Variants in BMERB1 observed in about 807,000 individuals in gnomAD.
The protein encoded by BMERB1 is bMERB domain containing 1.
Under a neutral mutation model 23.6 loss-of-function variants are expected in BMERB1, and 12 were observed. The ratio of observed to expected loss-of-function variants is 0.51; its 90% CI spans 0.33 to 0.82. BMERB1 has a LOEUF of 0.82. Ranked by LOEUF, BMERB1 falls within the 40% of genes least tolerant of loss-of-function variation. The pLI, the probability that BMERB1 is intolerant of heterozygous loss-of-function variation, is 0.03. For synonymous variants in BMERB1, 122 were observed against 96.6 expected, an observed-to-expected ratio of 1.26 and a Z score of -1.54; for missense variants, 247 against 255.4, an observed-to-expected ratio of 0.97 and a Z score of 0.22.
chr16:15,502,508 C>G (rs1438678501), intron 1 of BMERB1: 1 of 773,150 alleles, frequency 1.3e-6, no homozygotes, highest in Non-Finnish European at 2.2e-6. Context: ...TTAAAAGCAA[C>G]GGGCGGCTTC....
chr16:15,493,362 G>A (rs191417012), intron 1 of BMERB1, among the ~76,000 whole-genome samples: 1 of 152,278 alleles, frequency 6.6e-6, no homozygotes, highest in East Asian at 1.9e-4. Context: ...AAGACACAAG[G>A]ACTGAATGTC....
intron 2 of BMERB1, among the ~76,000 whole-genome samples, chr16:15,556,080 G>A (rs1336185794): frequency 6.6e-6 from 1 of 151,930 alleles, no homozygotes; most frequent in Non-Finnish European, 1.5e-5. Flanking sequence ...TTGGGAGGCT[G>A]AGGCAGGAGA....
intron 3 of BMERB1, among the ~76,000 whole-genome samples, chr16:15,569,741 A>T (rs1003859295): frequency 6.6e-6 from 1 of 152,140 alleles, no homozygotes; most frequent in African/African-American, 2.4e-5. Flanking sequence ...ACCTAAAGAG[A>T]TATCTCAAAA....
chr16:15,461,193 A>G (rs1038520176), intron 1 of BMERB1, among the ~76,000 whole-genome samples: 5 of 151,468 alleles, frequency 3.3e-5, no homozygotes, highest in Non-Finnish European at 7.4e-5. Flanking sequence ...GGGAACAGGG[A>G]GAAGCACAAT....
intron 1 of BMERB1, among the ~76,000 whole-genome samples, chr16:15,489,981 C>G (rs1479071274): frequency 2.0e-5 from 3 of 152,124 alleles, no homozygotes; most frequent in Non-Finnish European, 2.9e-5. Context: ...ATTCTCCTGC[C>G]TCAGCCTTCC....
At position 15,568,026 on chromosome 16, in the gene BMERB1, C is replaced by A; in HGVS notation, c.274C>A (p.Gln92Lys). The part of the protein sequence containing the change: ...QLCKDIMDLK[Q>K]ELQNLVAIPE... ...CTGCAAGGACATCATGGACTTGAAG[C>A]AGGAGCTGCAGAACTTGGTCGCCAT... The change falls in exon 3 of 6, where the codon CAG becomes AAG. Residue 92 changes from glutamine (Q) to lysine (K), a missense_variant. Coordinates refer to ENST00000300006, the MANE Select transcript of BMERB1 (RefSeq NM_033201.3). 2 of 1,614,044 alleles carry A rather than the reference C, an allele frequency of 1.2e-6. No individual in the cohort carries two copies. Among genetic ancestry groups the A allele is most frequent in the Non-Finnish European group, 1.7e-6 (2 of 1,179,928 alleles).
intron 2 of BMERB1, among the ~76,000 whole-genome samples, chr16:15,521,728 A>G (rs2051856018): frequency 1.3e-5 from 2 of 152,196 alleles, no homozygotes; most frequent in African/African-American, 4.8e-5. Flanking sequence ...TGGCAATTTT[A>G]TCAACTTTAC....
At chr16:15,581,514 T>C in intron 4 of BMERB1, 183 bp downstream of exon 4, 1 of 499,834 alleles carries the variant, frequency 2.0e-6, no homozygotes. Context: ...TCATTTTGTA[T>C]ATAAGAGAAT....
intron 1 of BMERB1, among the ~76,000 whole-genome samples, chr16:15,452,904 G>A (rs1210775408): frequency 2.0e-5 from 3 of 152,168 alleles, no homozygotes; most frequent in Non-Finnish European, 4.4e-5. Flanking sequence ...GCAAGACATT[G>A]GAGGTGCTAT....
chr16:15,487,266 C>T (rs769623813), intron 1 of BMERB1, among the ~76,000 whole-genome samples: 3 of 152,102 alleles, frequency 2.0e-5, no homozygotes, highest in African/African-American at 7.2e-5. Context: ...CAATTCTTGC[C>T]ATCTTACCTA....
chr16:15,583,988 G>A (rs1168538226), intron 5 of BMERB1: 3 of 701,760 alleles, frequency 4.3e-6, no homozygotes, highest in Non-Finnish European at 7.8e-6. Context: ...GAGGCTCAGG[G>A]AGCTCTGGCC....
chr16:15,462,266 C>T (rs1368667293), intron 1 of BMERB1, among the ~76,000 whole-genome samples: 1 of 150,360 alleles, frequency 6.7e-6, no homozygotes, highest in African/African-American at 2.4e-5. Context: ...ATTCTCCAGC[C>T]TCAGCCCCCT....
At chr16:15,480,315 C>T (rs1339615232) in intron 1 of BMERB1, among the ~76,000 whole-genome samples, 2 of 151,756 alleles carry the variant, frequency 1.3e-5, no homozygotes, top group Non-Finnish European at 2.9e-5. Context: ...GGGGATTCAC[C>T]GTGTTAGCCA....
intron 2 of BMERB1, among the ~76,000 whole-genome samples, chr16:15,528,122 C>G (rs1311441062): frequency 6.6e-6 from 1 of 152,136 alleles, no homozygotes; most frequent in Non-Finnish European, 1.5e-5. Context: ...ATTCCTTAGA[C>G]TGGGTAATTT....
At chr16:15,471,640 G>T (rs941886826) in intron 1 of BMERB1, among the ~76,000 whole-genome samples, 2 of 152,028 alleles carry the variant, frequency 1.3e-5, no homozygotes, top group Non-Finnish European at 2.9e-5. Flanking sequence ...TTTAGAGATA[G>T]GGGTCTTGCT....
chr16:15,436,338 G>A (rs182627282), intron 1 of BMERB1, among the ~76,000 whole-genome samples: 2 of 145,936 alleles, frequency 1.4e-5, no homozygotes, highest in Non-Finnish European at 3.0e-5. Context: ...GGCTCACTGC[G>A]ACCTCCACTT....
intron 1 of BMERB1, among the ~76,000 whole-genome samples, chr16:15,479,430 C>T (rs986618721): frequency 2.3e-4 from 35 of 152,150 alleles, no homozygotes; most frequent in Non-Finnish European, 1.5e-5. Flanking sequence ...TGAATTGATA[C>T]AGTTTCAGAT....
intron 1 of BMERB1, among the ~76,000 whole-genome samples, chr16:15,487,738 G>A (rs1047018103): frequency 6.6e-6 from 1 of 152,174 alleles, no homozygotes. Flanking sequence ...AGTTTTCTGG[G>A]AAAGAGGTGG....
At chr16:15,447,644 A>G (rs2051001179) in intron 1 of BMERB1, among the ~76,000 whole-genome samples, 1 of 152,198 alleles carries the variant, frequency 6.6e-6, no homozygotes, top group South Asian at 2.1e-4. Context: ...TTGACCTGAT[A>G]GTATCTGAAT....
Sources: gnomAD v4.1 joint callset for allele counts (sites outside exome capture counted in the v4.1 genomes callset) on GRCh38, gnomAD v4.1.1 for gene constraint, MANE v1.5 for transcripts, NCBI Gene and HGNC (gene_info 2026-07-23, HGNC 2026-07-21) for gene names.